PCDHGA6: variants seen among roughly 807,000 people sequenced by gnomAD.
PCDHGA6 encodes the protein protocadherin gamma-A6.
In PCDHGA6, 41 loss-of-function variants were observed where a neutral mutation model predicts 60.6. That is an observed-to-expected ratio of 0.68 (90% CI 0.53 to 0.88). The LOEUF (loss-of-function observed/expected upper bound fraction) is 0.88. Ranked by LOEUF, PCDHGA6 falls within the 40% of genes least tolerant of loss-of-function variation. PCDHGA6 has a pLI of 0.00. For synonymous variants in PCDHGA6, 594 were observed against 524.4 expected (o/e 1.13, Z -1.81); for missense variants, 1,312 against 1,203.0 (o/e 1.09, Z -1.34).
chr5:141,400,020 G>A (rs1589396224), intron 1 of PCDHGA6: 1 of 1,612,942 alleles, frequency 6.2e-7, no homozygotes, highest in South Asian at 1.1e-5. Context: ...TGGGCGACAG[G>A]GACGCGGCCC....
At chr5:141,404,321 T>A (rs764642673) in intron 1 of PCDHGA6, 7 of 1,613,764 alleles carry the variant, frequency 4.3e-6, no homozygotes, top group Non-Finnish European at 3.4e-6. Flanking sequence ...TCAAGCCTCC[T>A]ACTCAGTCTA....
In PCDHGA6 at chr5:141,404,779, C is replaced by T. The variant is rs779433248; in HGVS notation, c.2424+28272C>T. 8.1e-6 allele frequency: 13 copies of T among 1,613,628 alleles called. No individual in the cohort carries two copies. In the Admixed American group the frequency reaches 1.5e-4, roughly 19 times the overall value. ...ATGCTTGGCTCTCCTACCGCCTATT[C>T]AAGGCCAGTGAGCCAGGGCTCTTCT... On this transcript the variant is annotated intron_variant, in intron 1 of 3. Coordinates refer to ENST00000517434, the MANE Select transcript of PCDHGA6 (RefSeq NM_018919.3).
intron 3 of PCDHGA6, among the ~76,000 whole-genome samples, chr5:141,505,697 C>T (rs540949327): frequency 1.4e-4 from 21 of 152,198 alleles, no homozygotes; most frequent in Admixed American, 7.2e-4. Context: ...TGGAGGAGAG[C>T]GAACAAGGAA....
intron 1 of PCDHGA6, chr5:141,421,833 C>A: frequency 6.2e-7 from 1 of 1,613,756 alleles, no homozygotes; most frequent in South Asian, 1.1e-5. Context: ...GAAGCCTGGA[C>A]CGAGAGAAAG....
In PCDHGA6 at chr5:141,388,772, C is replaced by G. The variant is rs747075769; in HGVS notation, c.2424+12265C>G. 6.8e-6 allele frequency: 11 copies of G among 1,613,680 alleles called. No individual in the cohort carries two copies. In the Admixed American group the frequency reaches 1.8e-4, roughly 27 times the overall value. On this transcript the variant is annotated intron_variant, in intron 1 of 3. Transcript: ENST00000517434. Reference sequence around the variant, plus strand: ...CCCAATTTGACCTGAACTCTAACACCGGGGAAATTACTGTTTTAAATACAT... The same window carrying G: ...CCCAATTTGACCTGAACTCTAACACGGGGGAAATTACTGTTTTAAATACAT...
intron 1 of PCDHGA6, among the ~76,000 whole-genome samples, chr5:141,407,776 A>G (rs1248399145): frequency 2.0e-5 from 3 of 152,234 alleles, no homozygotes; most frequent in Non-Finnish European, 4.4e-5. Context: ...TGTGCATAAT[A>G]GATTTATTTA....
chr5:141,459,300 A>T (rs954766370), intron 1 of PCDHGA6, among the ~76,000 whole-genome samples: 1 of 152,202 alleles, frequency 6.6e-6, no homozygotes, highest in Non-Finnish European at 1.5e-5. Flanking sequence ...ATCCTATAAC[A>T]TATACTATTT....
Position 141,374,860 on chromosome 5 carries a change from A to C in PCDHGA6, c.777A>C (p.Thr259=). The C allele has an allele frequency of 6.2e-7, 1 of 1,613,772 alleles. No homozygotes were observed. The highest frequency in any genetic ancestry group is 2.2e-5 in the East Asian group (1 of 44,896). ...TTCCTGAAAACCTGCCAGTAGGCAC[A>C]CCAGTGTTGGCAGTGACTGCCACCG... ...VSVPENLPVG[T]PVLAVTATDQ... Residue 259 remains threonine, a synonymous_variant, in exon 1 of 4, where the codon ACA becomes ACC. Coordinates refer to ENST00000517434, the MANE Select transcript of PCDHGA6 (RefSeq NM_018919.3).
At chr5:141,451,779 G>T (rs1284464259) in intron 1 of PCDHGA6, among the ~76,000 whole-genome samples, 1 of 152,070 alleles carries the variant, frequency 6.6e-6, no homozygotes, top group Non-Finnish European at 1.5e-5. Flanking sequence ...TACTCAGGAG[G>T]CTGAGGCCAG....
At chr5:141,387,304 T>C (rs1186076797) in intron 1 of PCDHGA6, among the ~76,000 whole-genome samples, 3 of 152,208 alleles carry the variant, frequency 2.0e-5, no homozygotes, top group Non-Finnish European at 4.4e-5. Context: ...ATCCAGTATA[T>C]TTCTAATGAG....
rs750216656 is a variant in PCDHGA6 at position 141,422,121 on chromosome 5, A to G, written c.2424+45614A>G. 4.4e-6 allele frequency: 7 copies of G among 1,602,838 alleles called. No individual in the cohort carries two copies. In the Admixed American group the frequency reaches 8.8e-5, roughly 20 times the overall value. On this transcript the variant is annotated intron_variant, in intron 1 of 3. Coordinates refer to ENST00000517434, the MANE Select transcript of PCDHGA6 (RefSeq NM_018919.3). ...CTGAAATATTCCAATTGGATTCACA[A>G]ACTGGAGAAGTTCAAGTACGGGGGT...
At chr5:141,410,585 G>A in intron 1 of PCDHGA6, 1 of 1,610,012 alleles carries the variant, frequency 6.2e-7, no homozygotes, top group South Asian at 1.1e-5. Flanking sequence ...TCATGGTGGG[G>A]AGGATTTGAC....
intron 1 of PCDHGA6, chr5:141,384,094 G>T: frequency 6.3e-7 from 1 of 1,596,384 alleles, no homozygotes. Flanking sequence ...AAAATCAATA[G>T]ATAATTATTA....
chr5:141,455,104 G>A (rs2098813087), intron 1 of PCDHGA6, among the ~76,000 whole-genome samples: 1 of 151,888 alleles, frequency 6.6e-6, no homozygotes, highest in East Asian at 1.9e-4. Flanking sequence ...GAGCCACTGC[G>A]CCCGGTGGGT....
In PCDHGA6 at chr5:141,486,370, T is replaced by A; in HGVS notation, c.2425-8437T>A. On this transcript the variant is annotated intron_variant, in intron 1 of 3. Transcript: ENST00000517434. This position sits in a 1 kb window ranked among gnomAD's most constrained non-coding sequence, Gnocchi z 5.0. ...ACCACTTGCCATTTGCCCTCAAGTC[T>A]GCCTTCAGGAACCAGTTCTCCCTGG... 1 of 1,614,106 alleles carries A rather than the reference T, an allele frequency of 6.2e-7. No homozygotes were observed. The highest frequency in any genetic ancestry group is 8.5e-7 in the Non-Finnish European group (1 of 1,179,986).
At chr5:141,418,855 A>C in intron 1 of PCDHGA6, 1 of 1,614,042 alleles carries the variant, frequency 6.2e-7, no homozygotes, top group Non-Finnish European at 8.5e-7. Context: ...CACGGTGTAA[A>C]GTAATTGTAG....
Position 141,493,775 on chromosome 5 carries a change from G to A in PCDHGA6, c.2425-1032G>A, listed in dbSNP as rs1434978072. ...CCTTGAGTGAGCCACTGGCAGTTCCGGAGCTTCCTTCTCCCTGGAGTAATC... is the reference window on the plus strand; with the variant it reads ...CCTTGAGTGAGCCACTGGCAGTTCCAGAGCTTCCTTCTCCCTGGAGTAATC... On this transcript the variant is annotated intron_variant, in intron 1 of 3. Coordinates refer to ENST00000517434, the MANE Select transcript of PCDHGA6 (RefSeq NM_018919.3). The surrounding 1 kb of genome is among the most constrained non-coding windows in gnomAD (Gnocchi z 4.3). Among the ~76,000 whole-genome samples, 1 of 152,094 alleles carries A rather than the reference G, an allele frequency of 6.6e-6. No individual in the cohort carries two copies. The highest frequency in any genetic ancestry group is 6.5e-5 in the Admixed American group (1 of 15,272).
At chr5:141,499,022 AAGG>A (rs2099788758) in intron 2 of PCDHGA6, among the ~76,000 whole-genome samples, 3 of 150,722 alleles carry the variant, frequency 2.0e-5, no homozygotes, top group Non-Finnish European at 3.0e-5. Context: ...GGAAGGAAGG[AAGG>A]AAGAAAAGAA....
At chr5:141,510,814 C>T in intron 3 of PCDHGA6, 133 bp from the exon 4 acceptor site, 2 of 1,544,688 alleles carry the variant, frequency 1.3e-6, no homozygotes, top group East Asian at 4.6e-5. Context: ...TTGGTGACCC[C>T]TATATTCCCA....
Sources: allele counts gnomAD v4.1 joint callset (sites outside exome capture counted in the v4.1 genomes callset), GRCh38; gene constraint gnomAD v4.1.1; non-coding constraint Gnocchi (gnomAD v3.1); transcripts MANE v1.5; gene names NCBI Gene and HGNC (gene_info 2026-07-23, HGNC 2026-07-21).